The following HDDC2 variants were observed in gnomAD, a reference collection of about 807,000 sequenced individuals.
HDDC2 encodes 5'-deoxynucleotidase HDDC2.
In HDDC2, 25 loss-of-function variants were observed where a neutral mutation model predicts 25.5. The observed-to-expected ratio is 0.98, with a 90% CI of 0.72 to 1.37. The LOEUF (loss-of-function observed/expected upper bound fraction) is 1.37, where lower values mean the gene tolerates loss of function less well. HDDC2 is among the 40% of genes most tolerant of loss of function. HDDC2 has a pLI of 0.00. For missense variants in HDDC2, 264 were observed against 253.1 expected, an observed-to-expected ratio of 1.04 and a Z score of -0.29; for synonymous variants, 106 against 89.7, an observed-to-expected ratio of 1.18 and a Z score of -1.03.
rs1798780889 is a variant in HDDC2 at position 125,300,550 on chromosome 6, A to C, written c.194T>G (p.Leu65Arg). The C allele has an allele frequency of 6.2e-7, 1 of 1,613,840 alleles. No individual in the cohort carries two copies. Among genetic ancestry groups the C allele is most frequent in the African/African-American group, 1.3e-5 (1 of 74,914 alleles). Residue 65 changes from leucine to arginine, a missense_variant, in exon 2 of 6, where the codon CTT becomes CGT. Coordinates refer to ENST00000398153, the MANE Select transcript of HDDC2 (RefSeq NM_016063.3). ...VMAMVIKDDR[L>R]NKDRCVRLAL... is the part of the protein sequence containing the mutation. ...CAGCTCAGCTTACCGGTCTTTGTTA[A>C]GACGGTCATCTTTGATCACCATAGC... is the stretch of plus-strand genomic sequence containing the variant.
rs1017886644 is a variant in HDDC2 at position 125,275,895 on chromosome 6, A to T, written c.*251T>A. ...AATATTCTAATATTTTAGGTGTTTA[A>T]TATTTATTTATTTAGTTCATAAACA... On this transcript the variant is annotated 3_prime_UTR_variant, in exon 6 of 6. Transcript: ENST00000398153. 9.0e-6 allele frequency: 4 copies of T among 443,628 alleles called. No individual in the cohort carries two copies. The highest frequency in any genetic ancestry group is 8.1e-5 in the African/African-American group (4 of 49,578). The allele number at this position is 443,628 out of a possible 1,614,324, so 27.5% of individuals were successfully genotyped here. A position where few individuals can be genotyped will look rare whatever the true frequency, so the allele number is the denominator to read the frequency against.
intron 4 of HDDC2, among the ~76,000 whole-genome samples, chr6:125,281,342 T>C (rs1798454834): frequency 1.3e-5 from 2 of 152,018 alleles, no homozygotes. Flanking sequence ...GGAACAAAAC[T>C]GGAGGGAGAA....
chr6:125,301,873 G>C lies in HDDC2; in HGVS notation c.60C>G (p.Phe20Leu). The change falls in exon 1 of 6, where the codon TTC (phenylalanine) becomes TTG (leucine). Residue 20 changes from phenylalanine to leucine, a missense_variant. Transcript: ENST00000398153. ...CCTTGAGCTGCCCTACCAGCCGCAGGAACTGCAGTAGGGACCGAGCCCCGT... is the reference window on the plus strand; with the variant it reads ...CCTTGAGCTGCCCTACCAGCCGCAGCAACTGCAGTAGGGACCGAGCCCCGT... ...SGHGARSLLQ[F>L]LRLVGQLKRV... 2 of 1,549,350 alleles carry C rather than the reference G, an allele frequency of 1.3e-6. No individual in the cohort carries two copies. The highest frequency in any genetic ancestry group is 2.7e-5 in the African/African-American group (2 of 73,376).
In HDDC2 at chr6:125,301,893, C is replaced by G; in HGVS notation, c.40G>C (p.Ala14Pro). The change falls in exon 1 of 6, where the codon GCT becomes CCT. Residue 14 changes from alanine (A) to proline (P), a missense_variant. By Grantham distance (27) the Ala-to-Pro change is conservative. Coordinates refer to ENST00000398153, the MANE Select transcript of HDDC2 (RefSeq NM_016063.3). ...VSSATFSGHG[A>P]RSLLQFLRLV... ...CGCAGGAACTGCAGTAGGGACCGAG[C>G]CCCGTGGCCCGAGAAGGTCGCAGAG... 1 of 1,551,828 alleles carries G rather than the reference C, an allele frequency of 6.4e-7. No homozygotes were observed. Among genetic ancestry groups the G allele is most frequent in the Non-Finnish European group, 8.7e-7 (1 of 1,149,486 alleles).
chr6:125,276,289 GA>G, intron 5 of HDDC2, 46 bp from the exon 6 acceptor site: 1 of 978,658 alleles, frequency 1.0e-6, no homozygotes, highest in Non-Finnish European at 1.5e-6. Flanking sequence ...ATATTGACAA[GA>G]GAGTATATTC....
intron 3 of HDDC2, 92 bp from the exon 4 acceptor site, chr6:125,293,001 A>C (rs756759381): frequency 1.1e-5 from 11 of 989,544 alleles, no homozygotes. Flanking sequence ...GATTCTTACA[A>C]ACAACTCTCA....
At chr6:125,286,680 T>C (rs932127978) in intron 4 of HDDC2, among the ~76,000 whole-genome samples, 1 of 152,198 alleles carries the variant, frequency 6.6e-6, no homozygotes, top group African/African-American at 2.4e-5. Flanking sequence ...GGAATACCAT[T>C]TTCTATTTTA....
intron 2 of HDDC2, 197 bp downstream of exon 2, chr6:125,300,341 A>T: frequency 1.6e-6 from 1 of 606,588 alleles, no homozygotes; most frequent in Non-Finnish European, 2.7e-6. Context: ...ATCACTTGCC[A>T]ACAGAAACCC....
At chr6:125,300,369 C>T (rs1301883738) in intron 2 of HDDC2, 169 bp downstream of exon 2, 2 of 765,540 alleles carry the variant, frequency 2.6e-6, no homozygotes, top group African/African-American at 1.8e-5. Flanking sequence ...CAGTTTACAA[C>T]AACTGAGGCA....
intron 5 of HDDC2, 195 bp from the exon 6 acceptor site, chr6:125,276,438 C>A: frequency 1.7e-6 from 1 of 572,210 alleles, no homozygotes; most frequent in Non-Finnish European, 3.1e-6. Flanking sequence ...CTCTGTCACC[C>A]CAGGTGCAAC....
At chr6:125,286,562 T>C (rs1328773724) in intron 4 of HDDC2, among the ~76,000 whole-genome samples, 1 of 152,132 alleles carries the variant, frequency 6.6e-6, no homozygotes, top group Non-Finnish European at 1.5e-5. Flanking sequence ...AATAGAGAAG[T>C]GGTTAAGTAA....
At chr6:125,283,573 G>A (rs1001387028) in intron 4 of HDDC2, among the ~76,000 whole-genome samples, 4 of 152,042 alleles carry the variant, frequency 2.6e-5, no homozygotes, top group African/African-American at 9.7e-5. Context: ...ACAATTGCTA[G>A]AAAGAGAATA....
intron 4 of HDDC2, among the ~76,000 whole-genome samples, chr6:125,292,127 T>A (rs1460121692): frequency 6.6e-6 from 1 of 152,044 alleles, no homozygotes; most frequent in African/African-American, 2.4e-5. Flanking sequence ...AGGAAAAGGC[T>A]ATCTATGAAT....
rs141489039 is a variant in HDDC2 at position 125,281,425 on chromosome 6, T to C, written c.379-4185A>G. The stretch of plus-strand genomic sequence containing the variant: ...CAAACTCCTCTGAGCTAAATGAGCA[T>C]GTTCTAACCCAATGCAAGGAAGCTA... On this transcript the variant is annotated intron_variant, in intron 4 of 5. Transcript: ENST00000398153. 3.4e-4 allele frequency among the ~76,000 whole-genome samples: 52 copies of C among 152,278 alleles called. 1 individual carries two copies. The East Asian group carries it at 9.5e-3, about 28-fold the overall frequency.
chr6:125,300,654 G>C lies in HDDC2; in HGVS notation c.90C>G (p.Val30=), dbSNP rs1409476719. Residue 30 remains valine, a synonymous_variant, in exon 2 of 6, where the codon GTC becomes GTG. Coordinates refer to ENST00000398153, the MANE Select transcript of HDDC2 (RefSeq NM_016063.3). The part of the protein sequence containing the change: ...FLRLVGQLKR[V]PRTGWVYRNV... Reference sequence around the variant, plus strand: ...TTCTGTATACCCAGCCAGTTCGTGGGACTCTCTGATAAATATGAAGAAGAA... The same window carrying C: ...TTCTGTATACCCAGCCAGTTCGTGGCACTCTCTGATAAATATGAAGAAGAA... 1.2e-6 allele frequency: 2 copies of C among 1,611,610 alleles called. No homozygotes were observed. Among genetic ancestry groups the C allele is most frequent in the African/African-American group, 1.3e-5 (1 of 74,716 alleles).
At chr6:125,288,095 T>G (rs1289546447) in intron 4 of HDDC2, among the ~76,000 whole-genome samples, 4 of 152,228 alleles carry the variant, frequency 2.6e-5, no homozygotes, top group Non-Finnish European at 4.4e-5. Context: ...AAAATTATTC[T>G]GAAATAGGGT....
chr6:125,298,675 T>C (rs752884064), intron 3 of HDDC2, 39 bp downstream of exon 3: 15 of 1,492,758 alleles, frequency 1.0e-5, no homozygotes, highest in Non-Finnish European at 1.3e-5. Context: ...CAAGAGGTTT[T>C]TCTGGTGGTT....
intron 4 of HDDC2, among the ~76,000 whole-genome samples, chr6:125,282,244 G>A (rs1189724910): frequency 6.6e-6 from 1 of 151,774 alleles, no homozygotes; most frequent in Non-Finnish European, 1.5e-5. Flanking sequence ...TACTCGGGAG[G>A]TTGAGGCAGG....
At position 125,301,961 on chromosome 6, in the gene HDDC2, A is replaced by C. The variant is rs1419581156; in HGVS notation, c.-29T>G. On this transcript the variant is annotated 5_prime_UTR_variant, in exon 1 of 6. Transcript: ENST00000398153. ...GCCACCGACCCCGGCTGGGCGGAGC[A>C]GGCCGCGGCGAAGCTCCTCCCCGTC... is the stretch of plus-strand genomic sequence containing the variant. 3 of 1,531,438 alleles carry C rather than the reference A, an allele frequency of 2.0e-6. No individual in the cohort carries two copies. Among genetic ancestry groups the C allele is most frequent in the Non-Finnish European group, 1.8e-6 (2 of 1,137,516 alleles). 94.9% of individuals were successfully genotyped at this position (1,531,438 alleles called of 1,614,324 possible). A position where few individuals can be genotyped will look rare whatever the true frequency, so the allele number is the denominator to read the frequency against.
Sources: gnomAD v4.1 joint callset for allele counts (sites outside exome capture counted in the v4.1 genomes callset) on GRCh38, gnomAD v4.1.1 for gene constraint, MANE v1.5 for transcripts, NCBI Gene and HGNC (gene_info 2026-07-23, HGNC 2026-07-21) for gene names.